NAV1: variants seen among roughly 807,000 people sequenced by gnomAD.
The protein encoded by NAV1 is pore membrane and/or filament interacting like protein 3.
NAV1 carries 18 observed loss-of-function variants against 175.2 expected under a neutral mutation model. The observed-to-expected ratio is 0.10, with a 90% CI of 0.07 to 0.15. The LOEUF (loss-of-function observed/expected upper bound fraction) is 0.15, where lower values mean the gene tolerates loss of function less well. Among genes scored for constraint, NAV1 ranks in the 10% least tolerant of loss-of-function variants. The pLI is 1.00. For missense variants in NAV1, 1,731 were observed against 2,436.6 expected (o/e 0.71, Z 6.10); for synonymous variants, 897 against 978.7 (o/e 0.92, Z 1.56).
chr1:201,703,137 C>T, intron 1 of NAV1, among the ~76,000 whole-genome samples: 1 of 152,218 alleles, frequency 6.6e-6, no homozygotes, highest in East Asian at 1.9e-4. Flanking sequence ...CCATAACAAC[C>T]ACTCCCAGCT....
intron 3 of NAV1, among the ~76,000 whole-genome samples, chr1:201,767,649 A>C (rs1675300921): frequency 6.6e-6 from 1 of 152,198 alleles, no homozygotes; most frequent in Non-Finnish European, 1.5e-5. Flanking sequence ...CCACATTTCG[A>C]GTACTCATTA....
At position 201,821,813 on chromosome 1, in the gene NAV1, C is replaced by A. The variant is rs996498157; in HGVS notation, c.*1881C>A. ...CTTCCTGCCATTTCTGAAAGCCCCG[C>A]GGGACCAGCTTCTAGGCTGAGCTGC... On this transcript the variant is annotated 3_prime_UTR_variant, in exon 30 of 30. Transcript: ENST00000367296. 4.6e-5 allele frequency: 7 copies of A among 152,310 alleles called. No individual in the cohort carries two copies. The East Asian group carries it at 1.2e-3, about 25-fold the overall frequency. The allele number at this position is 152,310 out of a possible 1,614,324, so 9.4% of individuals were successfully genotyped here.
intron 1 of NAV1, among the ~76,000 whole-genome samples, chr1:201,551,044 G>T (rs1665838496): frequency 6.6e-6 from 1 of 152,206 alleles, no homozygotes; most frequent in Admixed American, 6.5e-5. Context: ...CTTATGAGGT[G>T]GGCAGGACAA....
intron 1 of NAV1, among the ~76,000 whole-genome samples, chr1:201,543,059 T>C (rs1665560073): frequency 6.6e-6 from 1 of 152,266 alleles, no homozygotes; most frequent in Non-Finnish European, 1.5e-5. Context: ...CATAGGATCA[T>C]GTCAACTGTG....
chr1:201,797,986 C>T (rs1440121532), intron 15 of NAV1: 1 of 152,206 alleles, frequency 6.6e-6, no homozygotes, highest in Non-Finnish European at 1.5e-5. Context: ...ATAGAGATAT[C>T]TCTAACTTAA....
intron 1 of NAV1, among the ~76,000 whole-genome samples, chr1:201,705,923 C>T (rs1424000033): frequency 5.3e-5 from 8 of 152,164 alleles, no homozygotes; most frequent in Admixed American, 5.2e-4. Flanking sequence ...AGTGCAAGGT[C>T]ACTGGATGCA....
intron 15 of NAV1, among the ~76,000 whole-genome samples, chr1:201,799,860 C>T (rs1340890609): frequency 1.3e-5 from 1 of 77,182 alleles, no homozygotes; most frequent in Admixed American, 1.4e-4. Context: ...AACTTCATCT[C>T]AAAAAAAAAA....
At chr1:201,765,952 A>G (rs1051280660) in intron 3 of NAV1, among the ~76,000 whole-genome samples, 1 of 152,238 alleles carries the variant, frequency 6.6e-6, no homozygotes, top group African/African-American at 2.4e-5. Context: ...TTAATCAGAT[A>G]GTTCTGTGAT....
intron 3 of NAV1, among the ~76,000 whole-genome samples, chr1:201,720,430 C>T (rs1175812196): frequency 1.3e-5 from 2 of 152,212 alleles, no homozygotes; most frequent in African/African-American, 4.8e-5. Flanking sequence ...TGACGGGGCC[C>T]CTGCCCAGCA....
intron 13 of NAV1, 35 bp downstream of exon 17, chr1:201,790,801 T>G (rs1658779197): frequency 1.2e-6 from 2 of 1,607,950 alleles, no homozygotes; most frequent in African/African-American, 1.3e-5. Context: ...ATCAAGGCAG[T>G]TATTTTGACT....
intron 2 of NAV1, among the ~76,000 whole-genome samples, chr1:201,596,329 T>A (rs1667346904): frequency 6.6e-6 from 1 of 152,248 alleles, no homozygotes; most frequent in South Asian, 2.1e-4. Context: ...AAGGGCTTCC[T>A]GATGACAGGG....
At chr1:201,817,227 C>A (rs1471944281) in exon 29 of NAV1, 2 of 1,614,172 alleles carry the variant, frequency 1.2e-6, no homozygotes, top group Admixed American at 3.3e-5. Context: ...ATTGCCTCAC[C>A]TCCCGAGGAT....
chr1:201,545,050 G>A (rs1257560656), intron 1 of NAV1, among the ~76,000 whole-genome samples: 1 of 152,196 alleles, frequency 6.6e-6, no homozygotes, highest in East Asian at 1.9e-4. Flanking sequence ...GCTACACTCT[G>A]TGTGACCTTG....
chr1:201,678,615 G>A (rs1670351400), intron 1 of NAV1, among the ~76,000 whole-genome samples: 1 of 152,202 alleles, frequency 6.6e-6, no homozygotes, highest in Non-Finnish European at 1.5e-5. Context: ...GAGTGATAAA[G>A]GAGTAACTGT....
chr1:201,665,732 T>A (rs1669800651), intron 1 of NAV1, among the ~76,000 whole-genome samples: 2 of 151,948 alleles, frequency 1.3e-5, no homozygotes, highest in South Asian at 4.1e-4. Flanking sequence ...TGGAGAATCA[T>A]CATTAAGATG....
intron 1 of NAV1, among the ~76,000 whole-genome samples, chr1:201,554,836 T>C (rs1665964274): frequency 6.6e-6 from 1 of 152,222 alleles, no homozygotes; most frequent in Non-Finnish European, 1.5e-5. Flanking sequence ...GTGTCAGTTC[T>C]GGAGGGTAGA....
chr1:201,735,503 A>T (rs976586791), intron 3 of NAV1, among the ~76,000 whole-genome samples: 1 of 152,220 alleles, frequency 6.6e-6, no homozygotes, highest in Non-Finnish European at 1.5e-5. Context: ...GAAGCGCCCC[A>T]CATTCATGCA....
chr1:201,579,633 G>C (rs1379358282), intron 1 of NAV1, among the ~76,000 whole-genome samples: 1 of 152,172 alleles, frequency 6.6e-6, no homozygotes, highest in African/African-American at 2.4e-5. Context: ...TGGGATTACA[G>C]ACATGAGCCA....
At chr1:201,658,763 C>T (rs577112598) in intron 1 of NAV1, among the ~76,000 whole-genome samples, 18 of 152,286 alleles carry the variant, frequency 1.2e-4, no homozygotes, top group Admixed American at 1.2e-3. Flanking sequence ...ATCAGCCAGC[C>T]AGGGCCTCTC....
Sources: allele counts gnomAD v4.1 joint callset (sites outside exome capture counted in the v4.1 genomes callset), GRCh38; gene constraint gnomAD v4.1.1; transcripts MANE v1.5; gene names NCBI Gene and HGNC (gene_info 2026-07-23, HGNC 2026-07-21).